The following RBFOX1 variants were observed in gnomAD, a reference collection of about 807,000 sequenced individuals.
RBFOX1 encodes RNA binding protein fox-1 homolog 1.
Under a neutral mutation model 57.7 loss-of-function variants are expected in RBFOX1, and 8 were observed. The ratio of observed to expected loss-of-function variants is 0.14; its 90% CI spans 0.08 to 0.25. RBFOX1 has a LOEUF of 0.25. RBFOX1 is among the 10% of genes least tolerant of loss of function. RBFOX1 has a pLI of 1.00. For synonymous variants in RBFOX1, 326 were observed against 222.4 expected (o/e 1.47, Z -4.15); for missense variants, 611 against 548.5 (o/e 1.11, Z -1.14).
At chr16:5,674,884 T>A (rs12923082) in intron 3 of RBFOX1, among the ~76,000 whole-genome samples, 98,367 of 151,986 alleles carry the variant, frequency 0.65, 32,603 homozygotes, top group Non-Finnish European at 0.72. Context: ...GGGTGGCTCA[T>A]GTCTGTAATC....
chr16:7,189,423 C>G (rs765360699), intron 4 of RBFOX1, among the ~76,000 whole-genome samples: 4 of 71,992 alleles, frequency 5.6e-5, no homozygotes, highest in Non-Finnish European at 7.1e-5. Flanking sequence ...GAGACTCCCT[C>G]TCAAAAAAAA....
intron 3 of RBFOX1, among the ~76,000 whole-genome samples, chr16:6,786,188 A>T (rs2081930269): frequency 6.6e-6 from 1 of 151,968 alleles, no homozygotes; most frequent in Non-Finnish European, 1.5e-5. Context: ...GACCCTGTTG[A>T]CTCCTCATTC....
At chr16:7,665,612 T>C (rs961975872) in intron 13 of RBFOX1, among the ~76,000 whole-genome samples, 1 of 152,190 alleles carries the variant, frequency 6.6e-6, no homozygotes, top group Non-Finnish European at 1.5e-5. Context: ...CTATTTCTCA[T>C]TATGAGAACA....
intron 2 of RBFOX1, among the ~76,000 whole-genome samples, chr16:6,599,949 C>T (rs957272670): frequency 7.9e-5 from 12 of 152,148 alleles, no homozygotes; most frequent in Non-Finnish European, 7.4e-5. Context: ...AAGCATTGAA[C>T]GCAGTCCATA....
chr16:6,373,979 G>C (rs983155686), intron 2 of RBFOX1, among the ~76,000 whole-genome samples: 6 of 152,098 alleles, frequency 3.9e-5, no homozygotes, highest in African/African-American at 7.2e-5. Flanking sequence ...TTTATCTTTC[G>C]ATTCTTTGCA....
At chr16:7,140,379 C>G (rs1258503068) in intron 4 of RBFOX1, among the ~76,000 whole-genome samples, 7 of 142,388 alleles carry the variant, frequency 4.9e-5, no homozygotes, top group African/African-American at 1.8e-4. Flanking sequence ...GGATTTTCTT[C>G]ATTTTCTGTG....
At chr16:7,161,200 G>A (rs978572800) in intron 4 of RBFOX1, among the ~76,000 whole-genome samples, 3 of 152,104 alleles carry the variant, frequency 2.0e-5, no homozygotes, top group African/African-American at 7.2e-5. Flanking sequence ...AGGACTATGT[G>A]GATGATGATG....
chr16:7,129,894 G>A (rs1056896108), intron 4 of RBFOX1, among the ~76,000 whole-genome samples: 1 of 151,870 alleles, frequency 6.6e-6, no homozygotes, highest in Non-Finnish European at 1.5e-5. Flanking sequence ...AGCAATGAAT[G>A]ACCCTCTAGA....
chr16:5,339,470 G>GGTTTTTTTTTTTTTTTTTTTTTTTTTTTT (rs1567354925), intron 1 of RBFOX1, among the ~76,000 whole-genome samples: 2 of 40,854 alleles, frequency 4.9e-5, no homozygotes, highest in Admixed American at 4.7e-4. Flanking sequence ...CTTTTTCCGT[G>GGTTTTTTTTTTTTTTTTTTTTTTTTTTTT]TTTTTTTTTT....
intron 3 of RBFOX1, among the ~76,000 whole-genome samples, chr16:6,687,414 C>T (rs972554110): frequency 6.6e-6 from 1 of 152,130 alleles, no homozygotes; most frequent in African/African-American, 2.4e-5. Context: ...AACCAAAAAC[C>T]ACTTGTATTA....
intron 3 of RBFOX1, among the ~76,000 whole-genome samples, chr16:6,894,274 T>C (rs55848563): frequency 0.23 from 35,649 of 152,174 alleles, 4,290 homozygotes; most frequent in East Asian, 0.27. Flanking sequence ...AGTTTCATAA[T>C]ATGTCTCTAT....
At chr16:6,805,085 T>C (rs995411049) in intron 3 of RBFOX1, among the ~76,000 whole-genome samples, 2 of 152,180 alleles carry the variant, frequency 1.3e-5, no homozygotes, top group East Asian at 1.9e-4. Context: ...TAAAGACCCA[T>C]GCACGTGAAT....
At chr16:6,861,464 G>C (rs1404512638) in intron 3 of RBFOX1, among the ~76,000 whole-genome samples, 3 of 149,764 alleles carry the variant, frequency 2.0e-5, no homozygotes. Context: ...TTTCCAAAAG[G>C]AATGATTCCC....
At chr16:5,612,319 A>G (rs1393248996) in intron 3 of RBFOX1, among the ~76,000 whole-genome samples, 1 of 151,104 alleles carries the variant, frequency 6.6e-6, no homozygotes, top group African/African-American at 2.4e-5. Flanking sequence ...CCATCTACTC[A>G]TCCACCTATC....
At chr16:7,467,300 G>A (rs944095217) in intron 4 of RBFOX1, among the ~76,000 whole-genome samples, 1 of 152,142 alleles carries the variant, frequency 6.6e-6, no homozygotes. Flanking sequence ...GCTGGGTATG[G>A]CTGTTGCAGG....
At chr16:7,411,045 A>C (rs1375923738) in intron 4 of RBFOX1, among the ~76,000 whole-genome samples, 1 of 152,104 alleles carries the variant, frequency 6.6e-6, no homozygotes, top group African/African-American at 2.4e-5. Flanking sequence ...TCTTGAGTTT[A>C]AGCAATTCTT....
At chr16:5,731,879 CAT>C (rs1316197249) in intron 3 of RBFOX1, among the ~76,000 whole-genome samples, 1 of 152,190 alleles carries the variant, frequency 6.6e-6, no homozygotes, top group Non-Finnish European at 1.5e-5. Context: ...CCATATCTCA[CAT>C]GTTAGCCTCT....
At chr16:7,090,708 A>G (rs370273121) in intron 4 of RBFOX1, among the ~76,000 whole-genome samples, 3 of 152,300 alleles carry the variant, frequency 2.0e-5, no homozygotes, top group East Asian at 1.9e-4. Flanking sequence ...CTCTGCAACC[A>G]TTGGCTGACT....
intron 2 of RBFOX1, among the ~76,000 whole-genome samples, chr16:6,430,491 C>G (rs143466184): frequency 3.3e-5 from 5 of 152,234 alleles, no homozygotes; most frequent in Non-Finnish European, 7.4e-5. Flanking sequence ...TAGGCAAACT[C>G]AAGTGGAGTT....
Sources: gnomAD v4.1 joint callset for allele counts (sites outside exome capture counted in the v4.1 genomes callset) on GRCh38, gnomAD v4.1.1 for gene constraint, MANE v1.5 for transcripts, NCBI Gene and HGNC (gene_info 2026-07-23, HGNC 2026-07-21) for gene names.